Variants in SYNPR observed in about 807,000 individuals in gnomAD.
The protein encoded by SYNPR is synaptoporin.
A neutral mutation model predicts 32.9 loss-of-function variants in SYNPR; 23 were observed. That is an observed-to-expected ratio of 0.70 (90% CI 0.50 to 0.99). SYNPR has a LOEUF of 0.99. SYNPR is among the 50% of genes least tolerant of loss of function. The probability of loss-of-function intolerance (pLI) is 0.00; values close to 1 mark genes in which losing one functional copy is unlikely to be tolerated. For missense variants in SYNPR, 318 were observed against 349.3 expected (o/e 0.91, Z 0.71); for synonymous variants, 146 against 135.9 (o/e 1.07, Z -0.52).
At chr3:63,232,264 T>C (rs1575571136) in intron 1 of SYNPR, among the ~76,000 whole-genome samples, 1 of 137,534 alleles carries the variant, frequency 7.3e-6, no homozygotes, top group Non-Finnish European at 1.5e-5. Context: ...TGCAATGGCG[T>C]GATCTTGGCT....
At chr3:63,202,092 G>A in the SYNPR span, among the ~76,000 whole-genome samples, 2 of 152,120 alleles carry the variant, frequency 1.3e-5, no homozygotes, top group African/African-American at 4.8e-5. Context: ...GCCTGGGATT[G>A]AACACCTCTG....
chr3:63,341,233 T>C (rs2087365880), intron 2 of SYNPR, among the ~76,000 whole-genome samples: 1 of 152,258 alleles, frequency 6.6e-6, no homozygotes, highest in Admixed American at 6.5e-5. Context: ...TATTTTTTAT[T>C]ACTATAAAAT....
chr3:63,279,908 G>A (rs2086612599), intron 2 of SYNPR, among the ~76,000 whole-genome samples: 2 of 152,314 alleles, frequency 1.3e-5, no homozygotes, highest in Middle Eastern at 3.4e-3. Context: ...TGAATTAGTG[G>A]TTCAGAGCTG....
At position 63,564,195 on chromosome 3, in the gene SYNPR, CT is replaced by C. The variant is rs151331065; in HGVS notation, c.408+7469del. On this transcript the variant is annotated intron_variant, in intron 4 of 5. Transcript: ENST00000478300. ...GTGGGTGGGGTGTGTGTGTGTCTTT[CT>C]TTTTTTTTTTTTTTGAGACAGAGTC... Among the ~76,000 whole-genome samples, 788 of 137,664 alleles carry C rather than the reference CT, an allele frequency of 5.7e-3. 12 individuals are homozygous for C. The East Asian group carries it at 0.059, about 10-fold the overall frequency. The allele number at this position is 137,664 out of a possible 152,430, so 90.3% of individuals were successfully genotyped here.
intron 5 of SYNPR, among the ~76,000 whole-genome samples, chr3:63,612,574 C>T (rs539662602): frequency 6.6e-5 from 10 of 152,114 alleles, no homozygotes; most frequent in Admixed American, 5.2e-4. Context: ...CACATTCTTA[C>T]CCCAATTTCA....
chr3:63,401,966 A>G (rs887296226), intron 2 of SYNPR, among the ~76,000 whole-genome samples: 37 of 152,268 alleles, frequency 2.4e-4, no homozygotes, highest in African/African-American at 7.7e-4. Context: ...CACCTAGAGA[A>G]CAAAGTCTTC....
At chr3:63,551,993 G>A (rs9815700) in intron 3 of SYNPR, among the ~76,000 whole-genome samples, 3,012 of 152,048 alleles carry the variant, frequency 0.02, 97 homozygotes, top group African/African-American at 0.068. Context: ...TGCCTCCCGG[G>A]TTCAAGTGAT....
chr3:63,548,359 T>A (rs183593159), intron 3 of SYNPR, among the ~76,000 whole-genome samples: 58 of 151,842 alleles, frequency 3.8e-4, no homozygotes, highest in African/African-American at 1.4e-3. Flanking sequence ...AACTTCCCTA[T>A]CTGCATAATG....
intron 2 of SYNPR, among the ~76,000 whole-genome samples, chr3:63,444,613 G>A (rs1413880486): frequency 3.3e-5 from 5 of 152,206 alleles, no homozygotes; most frequent in African/African-American, 9.6e-5. Context: ...CCTAGGGCTC[G>A]TAGGCATAGA....
intron 4 of SYNPR, among the ~76,000 whole-genome samples, chr3:63,568,425 G>A (rs1383518850): frequency 3.9e-5 from 6 of 152,074 alleles, no homozygotes; most frequent in Admixed American, 3.9e-4. Flanking sequence ...GACAGGTGGG[G>A]GACACAGTAG....
At chr3:63,237,217 C>T (rs1054004360) in intron 1 of SYNPR, among the ~76,000 whole-genome samples, 3 of 151,472 alleles carry the variant, frequency 2.0e-5, no homozygotes, top group African/African-American at 7.3e-5. Flanking sequence ...TCTTACAGGT[C>T]CCTGATATTC....
At chr3:63,303,500 T>C (rs1328180583) in intron 2 of SYNPR, among the ~76,000 whole-genome samples, 1 of 152,038 alleles carries the variant, frequency 6.6e-6, no homozygotes, top group Non-Finnish European at 1.5e-5. Context: ...TATGAATATG[T>C]CTACAAAACA....
chr3:63,378,289 G>C (rs753770036), intron 2 of SYNPR, among the ~76,000 whole-genome samples: 10 of 151,794 alleles, frequency 6.6e-5, no homozygotes, highest in Non-Finnish European at 1.0e-4. Flanking sequence ...TAAATACACA[G>C]AAAAATAGAG....
chr3:63,452,646 T>C (rs926101413), intron 2 of SYNPR, among the ~76,000 whole-genome samples: 3 of 150,322 alleles, frequency 2.0e-5, no homozygotes, highest in African/African-American at 4.9e-5. Context: ...AACAGCACCA[T>C]GAAAGATCAC....
intron 3 of SYNPR, among the ~76,000 whole-genome samples, chr3:63,537,483 C>T (rs755208453): frequency 6.6e-6 from 1 of 152,096 alleles, no homozygotes; most frequent in Non-Finnish European, 1.5e-5. Context: ...TGGTAATCTT[C>T]TGTTTATGTG....
chr3:63,497,212 G>T (rs1457934336), intron 3 of SYNPR, among the ~76,000 whole-genome samples: 1 of 152,102 alleles, frequency 6.6e-6, no homozygotes, highest in African/African-American at 2.4e-5. Context: ...CAGTGTGAGC[G>T]AACATTTTGA....
At chr3:63,219,333 G>C in the SYNPR span, among the ~76,000 whole-genome samples, 1 of 152,214 alleles carries the variant, frequency 6.6e-6, no homozygotes, top group Non-Finnish European at 1.5e-5. Context: ...GAGTACAGAG[G>C]AGGCGGAGGA....
intron 3 of SYNPR, among the ~76,000 whole-genome samples, chr3:63,483,012 T>C (rs1190539842): frequency 6.6e-6 from 1 of 152,198 alleles, no homozygotes; most frequent in Non-Finnish European, 1.5e-5. Context: ...CACATGTGGT[T>C]GGAAATAATG....
intron 3 of SYNPR, among the ~76,000 whole-genome samples, chr3:63,548,755 A>G (rs1278712811): frequency 6.6e-6 from 1 of 152,192 alleles, no homozygotes; most frequent in Non-Finnish European, 1.5e-5. Flanking sequence ...TCCAGCTACC[A>G]GAAATTCAAT....
Sources: gnomAD v4.1 joint callset for allele counts (sites outside exome capture counted in the v4.1 genomes callset) on GRCh38, gnomAD v4.1.1 for gene constraint, MANE v1.5 for transcripts, NCBI Gene and HGNC (gene_info 2026-07-23, HGNC 2026-07-21) for gene names.